COL27A1: variants seen among roughly 807,000 people sequenced by gnomAD.
COL27A1 encodes the protein collagen type XXVII alpha 1 chain, also known as collagen alpha-1(XXVII) chain.
Under a neutral mutation model 251.3 loss-of-function variants are expected in COL27A1, and 106 were observed. That is an observed-to-expected ratio of 0.42 (90% CI 0.36 to 0.50). COL27A1 has a LOEUF of 0.50. Among genes scored for constraint, COL27A1 ranks in the 20% least tolerant of loss-of-function variants. The pLI is 0.00. For synonymous variants in COL27A1, 1,000 were observed against 986.3 expected (o/e 1.01, Z -0.26); for missense variants, 2,325 against 2,522.8 (o/e 0.92, Z 1.68).
Position 114,180,270 on chromosome 9 carries a change from G to T in COL27A1, c.1962+1926G>T, listed in dbSNP as rs147172555. Reference sequence around the variant, plus strand: ...GCAGAGCACCCTGCGTGCTGGAGGTGCTGGGCAAATGATTGGTGAAGAGTT... The same window carrying T: ...GCAGAGCACCCTGCGTGCTGGAGGTTCTGGGCAAATGATTGGTGAAGAGTT... On this transcript the variant is annotated intron_variant, in intron 4 of 60. Transcript: ENST00000356083. Among the ~76,000 whole-genome samples the T allele has an allele frequency of 8.9e-4, 136 of 152,314 alleles. 2 individuals carry two copies. In the East Asian group the frequency reaches 0.026, roughly 29 times the overall value.
intron 55 of COL27A1, 142 bp downstream of exon 55, chr9:114,301,859 G>T: frequency 2.1e-6 from 2 of 935,232 alleles, no homozygotes; most frequent in Non-Finnish European, 3.3e-6. Context: ...AGAGTATAGG[G>T]CATCCCCCGA....
rs74977144 is a variant in COL27A1, at chr9:114,211,883, C to T, written c.2367+857C>T. Among the ~76,000 whole-genome samples, 739 of 152,304 alleles carry T rather than the reference C, an allele frequency of 4.9e-3. 8 individuals carry two copies. The highest frequency in any genetic ancestry group is 0.017 in the African/African-American group (703 of 41,564). On this transcript the variant is annotated intron_variant, in intron 12 of 60. Transcript: ENST00000356083. ...AGATACCAGGGTCCCTCTGCCACTG[C>T]CCTGCAGGTTGACTCCTTGACTTGG...
rs74722921 is a variant in COL27A1 at position 114,310,767 on chromosome 9, G to A, written c.*72G>A. 95 of 1,542,106 alleles carry A rather than the reference G, an allele frequency of 6.2e-5. No individual in the cohort carries two copies. The African/African-American group carries it at 1.3e-3, about 20-fold the overall frequency. On this transcript the variant is annotated 3_prime_UTR_variant, in exon 61 of 61. Transcript: ENST00000356083. ...AAGAGGCAAGGGGAGGGTACTGAGG[G>A]GCAGATGGCTCCAGGAGAGGCAGCT...
Position 114,168,369 on chromosome 9 carries a change from T to C in COL27A1, c.814T>C (p.Leu272=). The change falls in exon 3 of 61, where the codon TTG becomes CTG. Residue 272 remains leucine, a synonymous_variant. Transcript: ENST00000356083. ...CCTCGCCCTGCTAGGCCTGGAGAAC[T>C]TGACCACTGCCACACCAGCCCTGGG... ...SDLALLGLEN[L]TTATPALGSL... 2.5e-6 allele frequency: 4 copies of C among 1,613,388 alleles called. No individual in the cohort carries two copies. The highest frequency in any genetic ancestry group is 3.4e-6 in the Non-Finnish European group (4 of 1,179,960).
At position 114,205,885 on chromosome 9, in the gene COL27A1, G is replaced by A. The variant is rs1280346188; in HGVS notation, c.2223+73G>A. 5 of 1,387,676 alleles carry A rather than the reference G, an allele frequency of 3.6e-6. No homozygotes were observed. The East Asian group carries it at 9.1e-5, about 25-fold the overall frequency. 86.0% of individuals were successfully genotyped at this position (1,387,676 alleles called of 1,614,324 possible). ...ATGGCCACAGGTGCCCCGAGGCAGA[G>A]GGAGGTGGTGGGCTGGGGGCCAAGG... On this transcript the variant is annotated intron_variant, in intron 9 of 60. Transcript: ENST00000356083.
intron 19 of COL27A1, among the ~76,000 whole-genome samples, chr9:114,239,978 A>G (rs1832642361): frequency 2.0e-5 from 3 of 152,086 alleles, no homozygotes. Flanking sequence ...CCATGTTACA[A>G]CCTTAATGCT....
chr9:114,215,335 A>G (rs1830649094), intron 12 of COL27A1, among the ~76,000 whole-genome samples: 1 of 152,216 alleles, frequency 6.6e-6, no homozygotes, highest in Non-Finnish European at 1.5e-5. Flanking sequence ...AGGGAAATTG[A>G]GGCCAAAGCA....
chr9:114,269,843 C>T (rs1588835506), intron 35 of COL27A1, among the ~76,000 whole-genome samples: 1 of 152,294 alleles, frequency 6.6e-6, no homozygotes, highest in Admixed American at 6.5e-5. Context: ...GACCACCCAA[C>T]TGGCACATCG....
At chr9:114,236,181 C>G (rs984209049) in intron 17 of COL27A1, among the ~76,000 whole-genome samples, 3 of 152,152 alleles carry the variant, frequency 2.0e-5, no homozygotes, top group Non-Finnish European at 4.4e-5. Flanking sequence ...CCTTTTTCCC[C>G]ACCTGCTCAG....
At chr9:114,175,774 C>T (rs1429277038) in intron 3 of COL27A1, among the ~76,000 whole-genome samples, 1 of 152,216 alleles carries the variant, frequency 6.6e-6, no homozygotes, top group Non-Finnish European at 1.5e-5. Context: ...GGAGCTGCAC[C>T]CACGGAGCCT....
chr9:114,277,808 G>C (rs1243263771), intron 37 of COL27A1, among the ~76,000 whole-genome samples: 1 of 152,176 alleles, frequency 6.6e-6, no homozygotes, highest in African/African-American at 2.4e-5. Context: ...TGCCCTTGGA[G>C]GGTTTGGAAG....
chr9:114,168,597 C>T lies in COL27A1; in HGVS notation c.1042C>T (p.Pro348Ser). 1 of 1,614,146 alleles carries T rather than the reference C, an allele frequency of 6.2e-7. No homozygotes were observed. The highest frequency in any genetic ancestry group is 1.7e-5 in the Admixed American group (1 of 60,034). ...PASVGGSTRT[P>S]RPAAAQPSQK... ...CTCTGTTGGCGGCTCTACCAGAACG[C>T]CTCGCCCTGCGGCCGCTCAACCATC... Residue 348 changes from proline to serine, a missense_variant, in exon 3 of 61, where the codon CCT becomes TCT. By Grantham distance (74) the Pro-to-Ser change is moderately conservative. Transcript: ENST00000356083.
At chr9:114,303,792 A>T (rs1421449769) in intron 56 of COL27A1, among the ~76,000 whole-genome samples, 1 of 152,170 alleles carries the variant, frequency 6.6e-6, no homozygotes, top group African/African-American at 2.4e-5. Context: ...TGCCAAGCCC[A>T]GTGGTAGGGT....
Position 114,275,733 on chromosome 9 carries a change from G to T in COL27A1, c.3682G>T (p.Gly1228Trp). Reference sequence around the variant, plus strand: ...CCAGGAAGGGCTGATGGGTGAGGACGGGCCCCCCGGCCCCCCTGGCGTCAC... The same window carrying T: ...CCAGGAAGGGCTGATGGGTGAGGACTGGCCCCCCGGCCCCCCTGGCGTCAC... ...KGQEGLMGED[G>W]PPGPPGVTGV... is the part of the protein sequence containing the mutation. The change falls in exon 37 of 61, where the codon GGG becomes TGG. Residue 1228 changes from glycine (G) to tryptophan (W), a missense_variant. This residue lies in a region of COL27A1 where 662 missense variants were observed against 795.3 expected (regional missense o/e 0.83). Coordinates refer to ENST00000356083, the MANE Select transcript of COL27A1 (RefSeq NM_032888.4). 6.5e-7 allele frequency: 1 copy of T among 1,549,400 alleles called. No individual in the cohort carries two copies.
At chr9:114,262,937 G>GTTT (rs1409630455) in intron 28 of COL27A1, among the ~76,000 whole-genome samples, 2 of 56,176 alleles carry the variant, frequency 3.6e-5, no homozygotes, top group African/African-American at 8.2e-5. Flanking sequence ...TTCCTTGTTT[G>GTTT]ATTTTTTTTT....
At chr9:114,197,289 C>A (rs1298880268) in intron 7 of COL27A1, among the ~76,000 whole-genome samples, 1 of 152,136 alleles carries the variant, frequency 6.6e-6, no homozygotes, top group Non-Finnish European at 1.5e-5. Flanking sequence ...GCCTTGAGAG[C>A]CCCATGACAC....
intron 19 of COL27A1, among the ~76,000 whole-genome samples, chr9:114,239,900 C>G (rs1411086276): frequency 2.6e-5 from 4 of 152,204 alleles, no homozygotes; most frequent in Admixed American, 6.5e-5. Context: ...GCAATGTCCC[C>G]AGACACCCAT....
chr9:114,263,360 G>A (rs899580961), intron 28 of COL27A1, among the ~76,000 whole-genome samples: 1 of 151,998 alleles, frequency 6.6e-6, no homozygotes, highest in Non-Finnish European at 1.5e-5. Flanking sequence ...GGGGAGTATT[G>A]CGGGCTGATC....
At chr9:114,243,468 C>G in intron 22 of COL27A1, 39 bp from the exon 23 acceptor site, 1 of 1,596,688 alleles carries the variant, frequency 6.3e-7, no homozygotes, top group Non-Finnish European at 8.6e-7. Flanking sequence ...CATGTTGCCC[C>G]TGTCCAGCTT....
Sources: gnomAD v4.1 joint callset for allele counts (sites outside exome capture counted in the v4.1 genomes callset) on GRCh38, gnomAD v4.1.1 for gene constraint, gnomAD v4.1.1 regional missense constraint, MANE v1.5 for transcripts, NCBI Gene and HGNC (gene_info 2026-07-23, HGNC 2026-07-21) for gene names.